The following TAFA5 variants were observed in gnomAD, a reference collection of about 807,000 sequenced individuals.
TAFA5 encodes chemokine-like protein TAFA-5.
In TAFA5, 6 loss-of-function variants were observed where a neutral mutation model predicts 15.3. The observed-to-expected ratio is 0.39, with a 90% CI of 0.21 to 0.77. TAFA5 has a LOEUF of 0.77. TAFA5 is among the 30% of genes least tolerant of loss of function. The pLI, the probability that TAFA5 is intolerant of heterozygous loss-of-function variation, is 0.41. For missense variants in TAFA5, 161 were observed against 193.1 expected, an observed-to-expected ratio of 0.83 and a Z score of 0.98; for synonymous variants, 103 against 80.7, an observed-to-expected ratio of 1.28 and a Z score of -1.48.
intron 2 of TAFA5, among the ~76,000 whole-genome samples, chr22:48,692,295 G>T (rs937646048): frequency 3.9e-5 from 6 of 152,212 alleles, no homozygotes; most frequent in African/African-American, 1.4e-4. Flanking sequence ...GGGGTCCGCT[G>T]CAGCCCTGGG....
At chr22:48,505,984 A>G (rs1179321550) in intron 1 of TAFA5, among the ~76,000 whole-genome samples, 1 of 152,208 alleles carries the variant, frequency 6.6e-6, no homozygotes, top group Non-Finnish European at 1.5e-5. Context: ...CCAGGGTCTC[A>G]GAACTCACTC....
chr22:48,629,063 C>T (rs1312378683), intron 1 of TAFA5, among the ~76,000 whole-genome samples: 1 of 152,204 alleles, frequency 6.6e-6, no homozygotes, highest in African/African-American at 2.4e-5. Context: ...CCTGGCCCCT[C>T]CGCAGGCCCT....
chr22:48,503,100 G>A (rs948337048), intron 1 of TAFA5, among the ~76,000 whole-genome samples: 15 of 152,182 alleles, frequency 9.9e-5, no homozygotes, highest in Non-Finnish European at 2.1e-4. Flanking sequence ...GGGGTTCTGT[G>A]GCTGTGTCGG....
intron 1 of TAFA5, among the ~76,000 whole-genome samples, chr22:48,625,538 T>G (rs187044726): frequency 6.6e-6 from 1 of 152,334 alleles, no homozygotes; most frequent in South Asian, 2.1e-4. Context: ...GTGCTTACGA[T>G]CAGGTCCTTT....
Position 48,746,992 on chromosome 22 carries a change from G to A in TAFA5, c.391-2847G>A, listed in dbSNP as rs573661482. On this transcript the variant is annotated intron_variant, in intron 3 of 3. Transcript: ENST00000402357. ...GTAGGACCCTCGCCCATACCCTACAGAGTGGGCTCAACGCCCTGGAGCCCA... is the reference window on the plus strand; with the variant it reads ...GTAGGACCCTCGCCCATACCCTACAAAGTGGGCTCAACGCCCTGGAGCCCA... Among the ~76,000 whole-genome samples the A allele has an allele frequency of 4.6e-5, 7 of 152,344 alleles. No homozygotes were observed. In the East Asian group the frequency reaches 1.4e-3, roughly 29 times the overall value.
At chr22:48,597,239 T>G (rs1472228192) in intron 1 of TAFA5, among the ~76,000 whole-genome samples, 1 of 152,222 alleles carries the variant, frequency 6.6e-6, no homozygotes, top group Non-Finnish European at 1.5e-5. Flanking sequence ...CAGGAACACC[T>G]GCTGCCCCCT....
At chr22:48,563,717 G>A (rs1260018035) in intron 1 of TAFA5, among the ~76,000 whole-genome samples, 1 of 152,222 alleles carries the variant, frequency 6.6e-6, no homozygotes, top group Non-Finnish European at 1.5e-5. Flanking sequence ...TGCTACCAGC[G>A]AGCTGAGCAG....
chr22:48,697,961 G>A (rs1430378821), intron 2 of TAFA5, among the ~76,000 whole-genome samples: 3 of 149,656 alleles, frequency 2.0e-5, no homozygotes, highest in Non-Finnish European at 4.4e-5. Flanking sequence ...GATGATGATG[G>A]TGATGATGGT....
intron 1 of TAFA5, among the ~76,000 whole-genome samples, chr22:48,517,644 GC>G (rs1476043366): frequency 2.6e-5 from 4 of 152,162 alleles, no homozygotes; most frequent in African/African-American, 9.7e-5. Flanking sequence ...GCCACCAGAG[GC>G]CTTGAATTGC....
At chr22:48,643,394 T>C (rs1393945172) in intron 1 of TAFA5, among the ~76,000 whole-genome samples, 1 of 152,176 alleles carries the variant, frequency 6.6e-6, no homozygotes, top group Non-Finnish European at 1.5e-5. Context: ...GTTCGAATTG[T>C]GTCCCTGAGG....
At chr22:48,559,026 C>G (rs954998667) in intron 1 of TAFA5, among the ~76,000 whole-genome samples, 5 of 152,222 alleles carry the variant, frequency 3.3e-5, no homozygotes, top group African/African-American at 9.6e-5. Flanking sequence ...GGCCCTTATA[C>G]TGGGGTCAGG....
At chr22:48,645,377 T>C (rs1270167089) in intron 1 of TAFA5, among the ~76,000 whole-genome samples, 2 of 152,176 alleles carry the variant, frequency 1.3e-5, no homozygotes, top group Admixed American at 1.3e-4. Context: ...ATGGGTTTAT[T>C]TGCAGGGTAG....
chr22:48,552,360 A>C lies in TAFA5; in HGVS notation c.112+62656A>C, dbSNP rs190599452. Among the ~76,000 whole-genome samples the C allele has an allele frequency of 5.9e-5, 9 of 152,242 alleles. No homozygotes were observed. Among genetic ancestry groups the C allele is most frequent in the East Asian group, 1.9e-4 (1 of 5,158 alleles). ...AGAAGTCTGATGGGCTGAAGCCCTC[A>C]GGAAACCTTCTCAGGGGGTCCCGTT... On this transcript the variant is annotated intron_variant, in intron 1 of 3. Transcript: ENST00000402357. The surrounding 1 kb of genome is among the most constrained non-coding windows in gnomAD (Gnocchi z 4.1).
rs570807657 is a variant in TAFA5, at chr22:48,573,456, G to A, written c.113-73141G>A. Among the ~76,000 whole-genome samples, 8 of 152,282 alleles carry A rather than the reference G, an allele frequency of 5.3e-5. No homozygotes were observed. In the South Asian group the frequency reaches 1.5e-3, roughly 28 times the overall value. The stretch of plus-strand genomic sequence containing the variant: ...TGTGTGTTGGTTTTATCTGGTTCAG[G>A]TGTTCACACTGCCATCTGGAGCTGA... On this transcript the variant is annotated intron_variant, in intron 1 of 3. Transcript: ENST00000402357.
At chr22:48,648,296 A>G (rs551774600) in intron 2 of TAFA5, among the ~76,000 whole-genome samples, 1 of 152,236 alleles carries the variant, frequency 6.6e-6, no homozygotes, top group Admixed American at 6.5e-5. Flanking sequence ...GACTCTGGTC[A>G]AGGGTCCTTT....
intron 1 of TAFA5, among the ~76,000 whole-genome samples, chr22:48,542,091 G>C (rs1377008659): frequency 6.9e-6 from 1 of 145,322 alleles, no homozygotes; most frequent in Non-Finnish European, 1.5e-5. Context: ...GTGTGTGCAT[G>C]TGTGATGTGT....
chr22:48,641,163 GCC>G (rs745544717), intron 1 of TAFA5, among the ~76,000 whole-genome samples: 1 of 147,156 alleles, frequency 6.8e-6, no homozygotes, highest in African/African-American at 2.7e-5. Context: ...GGGCACCGTG[GCC>G]CCCCTGCCAG....
intron 1 of TAFA5, among the ~76,000 whole-genome samples, chr22:48,643,966 G>T (rs376724717): frequency 6.6e-6 from 1 of 152,216 alleles, no homozygotes; most frequent in Non-Finnish European, 1.5e-5. Context: ...TTCCTTCTGC[G>T]TAAATCACAA....
At chr22:48,735,961 T>TC (rs1555903679) in intron 3 of TAFA5, among the ~76,000 whole-genome samples, 2 of 94,940 alleles carry the variant, frequency 2.1e-5, no homozygotes, top group African/African-American at 4.0e-5. Context: ...CCAGAGTCCA[T>TC]CCCCCCAGGA....
Sources: gnomAD v4.1 joint callset for allele counts (sites outside exome capture counted in the v4.1 genomes callset) on GRCh38, gnomAD v4.1.1 for gene constraint, Gnocchi (gnomAD v3.1) non-coding constraint, MANE v1.5 for transcripts, NCBI Gene and HGNC (gene_info 2026-07-23, HGNC 2026-07-21) for gene names.